The following RANBP2 variants were observed in gnomAD, a reference collection of about 807,000 sequenced individuals.
RANBP2 encodes the protein E3 SUMO-protein ligase RanBP2.
Under a neutral mutation model 303.6 loss-of-function variants are expected in RANBP2, and 57 were observed. The observed-to-expected ratio is 0.19, with a 90% confidence interval of 0.15 to 0.23. The LOEUF is 0.23. Among genes scored for constraint, RANBP2 ranks in the 10% least tolerant of loss-of-function variants. The probability of loss-of-function intolerance (pLI) is 1.00; values close to 1 mark genes in which losing one functional copy is unlikely to be tolerated. For synonymous variants in RANBP2, 1,167 were observed against 1,301.5 expected (o/e 0.90, Z 2.23); for missense variants, 3,138 against 3,780.8 (o/e 0.83, Z 4.46).
the RANBP2 span, among the ~76,000 whole-genome samples, chr2:109,249,552 C>T: frequency 1.3e-3 from 163 of 122,460 alleles, no homozygotes; most frequent in Middle Eastern, 4.1e-3. Flanking sequence ...TCCTTCCTTC[C>T]TTCCTTCCTT....
At chr2:108,788,086 C>G, downstream of RANBP2, 1 of 1,601,932 alleles carries the variant, frequency 6.2e-7, no homozygotes, top group South Asian at 1.1e-5. Context: ...TCTAACCTCC[C>G]CAGGTAAGCC....
At chr2:109,328,630 G>C in the RANBP2 span, among the ~76,000 whole-genome samples, 1 of 152,294 alleles carries the variant, frequency 6.6e-6, no homozygotes, top group South Asian at 2.1e-4. Context: ...AGGATGCCTA[G>C]GTCATGGTAC....
At chr2:109,164,071 C>T in the RANBP2 span, among the ~76,000 whole-genome samples, 1 of 152,160 alleles carries the variant, frequency 6.6e-6, no homozygotes. Context: ...AAGGTGAACC[C>T]CACTGGCTGT....
chr2:109,153,075 C>A, the RANBP2 span, among the ~76,000 whole-genome samples: 3 of 152,180 alleles, frequency 2.0e-5, no homozygotes, highest in African/African-American at 4.8e-5. Flanking sequence ...AAAGACAAGA[C>A]AGTCACTGTG....
the RANBP2 span, among the ~76,000 whole-genome samples, chr2:109,645,936 G>A: frequency 3.3e-5 from 5 of 152,050 alleles, no homozygotes; most frequent in East Asian, 1.9e-4. Context: ...AACTCTCAAC[G>A]CAGCCAAAAA....
In RANBP2 at chr2:108,731,278, C is replaced by T. The variant is rs1237837248; in HGVS notation, c.253-44C>T. ...AAGTATATATACTCCTACATACATACATACAATTTATTTACTAATCTTTAA... is the reference window on the plus strand; with the variant it reads ...AAGTATATATACTCCTACATACATATATACAATTTATTTACTAATCTTTAA... On this transcript the variant is annotated intron_variant, in intron 3 of 28. Coordinates refer to ENST00000283195, the MANE Select transcript of RANBP2 (RefSeq NM_006267.5). The T allele has an allele frequency of 3.1e-6, 5 of 1,597,512 alleles. No homozygotes were observed. The African/African-American group carries it at 5.4e-5, about 17-fold the overall frequency.
chr2:109,329,664 C>T, the RANBP2 span, among the ~76,000 whole-genome samples: 1 of 152,108 alleles, frequency 6.6e-6, no homozygotes, highest in Admixed American at 6.5e-5. Flanking sequence ...TTTCTAGAGG[C>T]TGCAAGAGGG....
the RANBP2 span, among the ~76,000 whole-genome samples, chr2:109,460,798 A>G: frequency 6.6e-6 from 1 of 152,250 alleles, no homozygotes; most frequent in African/African-American, 2.4e-5. Context: ...TCATTAAACA[A>G]TCACACTTCT....
the RANBP2 span, among the ~76,000 whole-genome samples, chr2:108,825,292 T>C: frequency 6.6e-6 from 1 of 151,746 alleles, no homozygotes; most frequent in East Asian, 1.9e-4. Flanking sequence ...GTTTGTTTGT[T>C]TGGTAACAGC....
At chr2:109,301,241 G>A in the RANBP2 span, among the ~76,000 whole-genome samples, 67 of 152,202 alleles carry the variant, frequency 4.4e-4, no homozygotes, top group East Asian at 0.012. Flanking sequence ...TCTGTGCACC[G>A]GGACTCAGAC....
chr2:109,146,180 G>T, the RANBP2 span, among the ~76,000 whole-genome samples: 2 of 152,100 alleles, frequency 1.3e-5, no homozygotes, highest in African/African-American at 4.8e-5. Context: ...AGAATGCATG[G>T]TACACTAATA....
the RANBP2 span, among the ~76,000 whole-genome samples, chr2:109,414,015 C>T: frequency 1.3e-3 from 199 of 152,370 alleles, 2 homozygotes; most frequent in African/African-American, 4.5e-3. Context: ...CATTCCACAG[C>T]ATGCAGCTCA....
At chr2:109,274,750 A>G in the RANBP2 span, among the ~76,000 whole-genome samples, 1 of 152,304 alleles carries the variant, frequency 6.6e-6, no homozygotes, top group Non-Finnish European at 1.5e-5. Context: ...ATGCCATTAA[A>G]TTGTTCACTT....
At chr2:108,999,297 G>GC in the RANBP2 span, among the ~76,000 whole-genome samples, 1 of 152,158 alleles carries the variant, frequency 6.6e-6, no homozygotes, top group Non-Finnish European at 1.5e-5. Context: ...CTGGAGCTTT[G>GC]CATGTTAAGT....
At chr2:108,799,229 T>G in the RANBP2 span, among the ~76,000 whole-genome samples, 5 of 152,234 alleles carry the variant, frequency 3.3e-5, no homozygotes, top group Non-Finnish European at 7.3e-5. Flanking sequence ...GTAACGATAA[T>G]ATGTAGACAA....
the RANBP2 span, among the ~76,000 whole-genome samples, chr2:109,270,586 G>A: frequency 1.3e-5 from 2 of 152,164 alleles, no homozygotes; most frequent in Non-Finnish European, 2.9e-5. Flanking sequence ...AGGTCAAAGC[G>A]GACTTCATCC....
At chr2:109,193,973 G>T in the RANBP2 span, among the ~76,000 whole-genome samples, 1 of 152,154 alleles carries the variant, frequency 6.6e-6, no homozygotes, top group Non-Finnish European at 1.5e-5. Flanking sequence ...GCTCCTTCTG[G>T]GGCACCAGAG....
chr2:109,195,239 C>T, the RANBP2 span, among the ~76,000 whole-genome samples: 1 of 152,056 alleles, frequency 6.6e-6, no homozygotes, highest in East Asian at 1.9e-4. Context: ...GGACTGCCTA[C>T]ACTAGGACTG....
intron 11 of RANBP2, 40 bp downstream of exon 11, chr2:108,751,743 T>C: frequency 1.1e-5 from 18 of 1,611,712 alleles, no homozygotes; most frequent in Non-Finnish European, 1.5e-5. Flanking sequence ...ACTTAGTGCG[T>C]AGGTTTTACC....
Sources: allele counts gnomAD v4.1 joint callset (sites outside exome capture counted in the v4.1 genomes callset), GRCh38; gene constraint gnomAD v4.1.1; transcripts MANE v1.5; gene names NCBI Gene and HGNC (gene_info 2026-07-23, HGNC 2026-07-21).